PSMA8: variants seen among roughly 807,000 people sequenced by gnomAD.
The protein encoded by PSMA8 is proteasome subunit alpha-type 8.
Under a neutral mutation model 32.4 loss-of-function variants are expected in PSMA8, and 18 were observed. The ratio of observed to expected loss-of-function variants is 0.56; its 90% CI spans 0.38 to 0.82. The LOEUF (loss-of-function observed/expected upper bound fraction) is 0.82. Among genes scored for constraint, PSMA8 ranks in the 40% least tolerant of loss-of-function variants. The probability of loss-of-function intolerance (pLI) is 0.00; values close to 1 mark genes in which losing one functional copy is unlikely to be tolerated. For synonymous variants in PSMA8, 104 were observed against 98.1 expected (o/e 1.06, Z -0.36); for missense variants, 298 against 300.7 (o/e 0.99, Z 0.07).
intron 6 of PSMA8, among the ~76,000 whole-genome samples, chr18:26,188,285 A>C (rs540425733): frequency 6.6e-6 from 1 of 152,008 alleles, no homozygotes; most frequent in East Asian, 1.9e-4. Flanking sequence ...ATACAGTGAA[A>C]GCATTACAAA....
At chr18:26,134,345 GT>G (rs2054892467) in intron 1 of PSMA8, among the ~76,000 whole-genome samples, 1 of 130,902 alleles carries the variant, frequency 7.6e-6, no homozygotes, top group Non-Finnish European at 1.5e-5. Flanking sequence ...GTGTGGGTGT[GT>G]GTGTGTGTGT....
intron 1 of PSMA8, among the ~76,000 whole-genome samples, chr18:26,141,713 C>CTTTTTTTTTT (rs1011733993): frequency 3.5e-4 from 38 of 109,978 alleles, no homozygotes; most frequent in East Asian, 5.2e-4. Flanking sequence ...TTTCTTTTTT[C>CTTTTTTTTTT]TTTTTTTTTT....
chr18:26,176,353 A>T (rs1057392301), intron 4 of PSMA8, among the ~76,000 whole-genome samples: 1 of 152,190 alleles, frequency 6.6e-6, no homozygotes, highest in African/African-American at 2.4e-5. Flanking sequence ...CTAGTTACCA[A>T]AAAACAAACA....
intron 1 of PSMA8, among the ~76,000 whole-genome samples, chr18:26,141,790 G>A (rs990467733): frequency 4.2e-5 from 6 of 144,516 alleles, no homozygotes; most frequent in Non-Finnish European, 8.9e-5. Flanking sequence ...AGGCTCAAGC[G>A]ATTCTCCCAC....
At chr18:26,174,262 G>A (rs894924473) in intron 4 of PSMA8, among the ~76,000 whole-genome samples, 1 of 152,150 alleles carries the variant, frequency 6.6e-6, no homozygotes, top group Non-Finnish European at 1.5e-5. Context: ...TTAGTGGCAG[G>A]AATTGAATAT....
At chr18:26,170,585 C>T in intron 4 of PSMA8, 1 of 621,252 alleles carries the variant, frequency 1.6e-6, no homozygotes, top group Non-Finnish European at 2.6e-6. Context: ...CTGATAGAGA[C>T]AAGAGTAGTG....
At position 26,192,358 on chromosome 18, in the gene PSMA8, A is replaced by G. The variant is rs1598679714; in HGVS notation, c.700A>G (p.Ile234Val). ...AKEVELYVTEIEKEKEEAEKK... is the reference protein window; with the variant it reads ...AKEVELYVTEVEKEKEEAEKK... ...AGAAGTTGAATTATATGTAACTGAA[A>G]TAGAAAAGGAAAAGGAAGAAGCAGA... Residue 234 changes from isoleucine (I) to valine (V), a missense_variant, in exon 7 of 7, where the codon ATA (isoleucine) becomes GTA (valine). Ile to Val is a conservative substitution (Grantham distance 29, BLOSUM62 3). Transcript: ENST00000415576. 7 of 1,520,236 alleles carry G rather than the reference A, an allele frequency of 4.6e-6. No homozygotes were observed. Among genetic ancestry groups the G allele is most frequent in the Non-Finnish European group, 6.1e-6 (7 of 1,146,468 alleles). 94.2% of individuals were successfully genotyped at this position (1,520,236 alleles called of 1,614,324 possible).
chr18:26,134,367 C>CTGTGTGTG (rs71169816), intron 1 of PSMA8, among the ~76,000 whole-genome samples: 6 of 131,992 alleles, frequency 4.5e-5, no homozygotes, highest in East Asian at 2.1e-4. Flanking sequence ...GTGTGTGTCT[C>CTGTGTGTG]TGTGTGTGTG....
At chr18:26,180,383 A>T (rs2055300808) in intron 6 of PSMA8, among the ~76,000 whole-genome samples, 1 of 152,106 alleles carries the variant, frequency 6.6e-6, no homozygotes, top group South Asian at 2.1e-4. Flanking sequence ...TGTTTTTGTC[A>T]TCATGGTTGC....
At chr18:26,167,050 T>C (rs911364316) in intron 4 of PSMA8, among the ~76,000 whole-genome samples, 9 of 152,184 alleles carry the variant, frequency 5.9e-5, no homozygotes, top group Non-Finnish European at 1.2e-4. Context: ...AAAGCAAACA[T>C]TGTGTAGGTT....
At chr18:26,155,166 C>T (rs943015954) in intron 3 of PSMA8, among the ~76,000 whole-genome samples, 4 of 151,828 alleles carry the variant, frequency 2.6e-5, no homozygotes, top group East Asian at 3.9e-4. Flanking sequence ...ACCCAGGAGA[C>T]GGAGGTTGCA....
intron 4 of PSMA8, among the ~76,000 whole-genome samples, chr18:26,163,246 T>TA (rs2055152088): frequency 8.1e-6 from 1 of 123,070 alleles, no homozygotes; most frequent in African/African-American, 3.4e-5. Context: ...TATATATATA[T>TA]ATATATATAT....
At chr18:26,186,381 A>G (rs561635767) in intron 6 of PSMA8, among the ~76,000 whole-genome samples, 1 of 152,024 alleles carries the variant, frequency 6.6e-6, no homozygotes, top group South Asian at 2.1e-4. Flanking sequence ...CTGTGGATTA[A>G]TAGCCTTTCC....
At chr18:26,165,758 G>T (rs2055173587) in intron 4 of PSMA8, among the ~76,000 whole-genome samples, 1 of 152,118 alleles carries the variant, frequency 6.6e-6, no homozygotes. Flanking sequence ...AATCTACCCA[G>T]ATGATTCATT....
intron 4 of PSMA8, among the ~76,000 whole-genome samples, chr18:26,161,591 G>T (rs1317610866): frequency 6.6e-6 from 1 of 152,162 alleles, no homozygotes; most frequent in Non-Finnish European, 1.5e-5. Context: ...AAGCTATTCA[G>T]GTCAGCTAAA....
intron 2 of PSMA8, 30 bp from the exon 3 acceptor site, chr18:26,151,828 G>T (rs1417479459): frequency 2.6e-6 from 4 of 1,568,312 alleles, no homozygotes; most frequent in Admixed American, 2.1e-5. Flanking sequence ...TGTTTTTGTG[G>T]TTTTTGTGAA....
intron 6 of PSMA8, among the ~76,000 whole-genome samples, chr18:26,181,288 C>T (rs1259771528): frequency 1.3e-5 from 2 of 152,036 alleles, no homozygotes; most frequent in African/African-American, 2.4e-5. Flanking sequence ...TTTTGGAGTG[C>T]CATGAACTGC....
chr18:26,143,241 T>C (rs891483677), intron 1 of PSMA8, among the ~76,000 whole-genome samples: 1 of 152,210 alleles, frequency 6.6e-6, no homozygotes, highest in Non-Finnish European at 1.5e-5. Flanking sequence ...CTGCATGGGT[T>C]TTCTCCATGT....
chr18:26,190,408 A>T (rs2055392440), intron 6 of PSMA8, among the ~76,000 whole-genome samples: 1 of 152,148 alleles, frequency 6.6e-6, no homozygotes, highest in Admixed American at 6.5e-5. Flanking sequence ...ACCCCATAAT[A>T]TATATACCTA....
Sources: allele counts gnomAD v4.1 joint callset (sites outside exome capture counted in the v4.1 genomes callset), GRCh38; gene constraint gnomAD v4.1.1; transcripts MANE v1.5; gene names NCBI Gene and HGNC (gene_info 2026-07-23, HGNC 2026-07-21).